The following PTPRD variants were observed in gnomAD, a reference collection of about 807,000 sequenced individuals.
PTPRD encodes the protein receptor-type tyrosine-protein phosphatase delta.
Under a neutral mutation model 214.5 loss-of-function variants are expected in PTPRD, and 34 were observed. The ratio of observed to expected loss-of-function variants is 0.16; its 90% CI spans 0.12 to 0.21. The LOEUF (loss-of-function observed/expected upper bound fraction) is 0.21, where lower values mean the gene tolerates loss of function less well. Among genes scored for constraint, PTPRD ranks in the 10% least tolerant of loss-of-function variants. PTPRD has a pLI of 1.00. For synonymous variants in PTPRD, 1,128 were observed against 845.7 expected (o/e 1.33, Z -5.79); for missense variants, 2,545 against 2,398.7 (o/e 1.06, Z -1.27).
intron 7 of PTPRD, among the ~76,000 whole-genome samples, chr9:9,599,450 G>T (rs651116): frequency 0.4 from 60,719 of 151,842 alleles, 12,569 homozygotes; most frequent in Non-Finnish European, 0.44. Context: ...CACCATAACA[G>T]TGTTGGGCTT....
intron 31 of PTPRD, among the ~76,000 whole-genome samples, chr9:8,467,154 G>C (rs2096560772): frequency 6.6e-6 from 1 of 151,778 alleles, no homozygotes; most frequent in Non-Finnish European, 1.5e-5. Context: ...GTGAATTTAA[G>C]TTTATTGATG....
intron 5 of PTPRD, among the ~76,000 whole-genome samples, chr9:9,903,231 A>T (rs1370238226): frequency 6.6e-6 from 1 of 152,074 alleles, no homozygotes; most frequent in South Asian, 2.1e-4. Context: ...GCTTCACTTT[A>T]TATTTTCTTC....
intron 23 of PTPRD, among the ~76,000 whole-genome samples, chr9:8,501,818 C>T (rs190550425): frequency 7.2e-5 from 11 of 152,288 alleles, no homozygotes; most frequent in African/African-American, 9.6e-5. Context: ...ACTTACCCTA[C>T]GTCAGCTTTC....
intron 9 of PTPRD, among the ~76,000 whole-genome samples, chr9:9,184,017 C>T (rs1243421507): frequency 1.3e-5 from 2 of 152,018 alleles, no homozygotes; most frequent in Admixed American, 1.3e-4. Context: ...CTTAATGATT[C>T]ATTTTTGTAT....
At chr9:8,660,535 T>C (rs1428333025) in intron 12 of PTPRD, among the ~76,000 whole-genome samples, 1 of 152,134 alleles carries the variant, frequency 6.6e-6, no homozygotes, top group African/African-American at 2.4e-5. Context: ...GATCTTTGGC[T>C]CCCATTTTCA....
At chr9:10,198,974 TCA>T (rs1004702436) in intron 3 of PTPRD, among the ~76,000 whole-genome samples, 1 of 152,094 alleles carries the variant, frequency 6.6e-6, no homozygotes, top group African/African-American at 2.4e-5. Flanking sequence ...TAAGTGATGT[TCA>T]CAGAGTTATG....
chr9:9,952,142 G>A (rs529374724), intron 4 of PTPRD, among the ~76,000 whole-genome samples: 1 of 152,140 alleles, frequency 6.6e-6, no homozygotes, highest in Non-Finnish European at 1.5e-5. Flanking sequence ...TATGTGCCTA[G>A]GAGAGTCTAG....
At chr9:9,593,299 T>A (rs1235122454) in intron 7 of PTPRD, among the ~76,000 whole-genome samples, 1 of 131,126 alleles carries the variant, frequency 7.6e-6, no homozygotes, top group Non-Finnish European at 1.6e-5. Flanking sequence ...GAAACTTAAC[T>A]TTTTTTTTTT....
At chr9:10,345,547 A>C (rs1281806029) in intron 2 of PTPRD, among the ~76,000 whole-genome samples, 1 of 151,956 alleles carries the variant, frequency 6.6e-6, no homozygotes, top group Non-Finnish European at 1.5e-5. Flanking sequence ...TAGTTTGCTG[A>C]GAATGATGGT....
chr9:9,852,667 T>C (rs1056894194), intron 5 of PTPRD, among the ~76,000 whole-genome samples: 1 of 152,142 alleles, frequency 6.6e-6, no homozygotes, highest in Non-Finnish European at 1.5e-5. Context: ...TTATTCCTTT[T>C]TTCTTTTAAA....
intron 6 of PTPRD, among the ~76,000 whole-genome samples, chr9:9,739,536 G>T (rs750745495): frequency 5.9e-5 from 9 of 151,574 alleles, no homozygotes; most frequent in Non-Finnish European, 1.2e-4. Context: ...TATCATCAGG[G>T]TTTATAGTGA....
chr9:8,324,924 C>G lies in PTPRD; in HGVS notation c.5535-4958G>C, dbSNP rs573921576. Among the ~76,000 whole-genome samples the G allele has an allele frequency of 6.8e-4, 103 of 152,242 alleles. 2 individuals carry two copies. The Middle Eastern group carries it at 0.02, about 30-fold the overall frequency. ...CTTTTGAGAAGTGTCTGTTCATATC[C>G]TTCGCCCACTTTTTGATGAGGTTGT... On this transcript the variant is annotated intron_variant, in intron 44 of 45. Coordinates refer to ENST00000381196, the MANE Select transcript of PTPRD (RefSeq NM_002839.4).
chr9:9,733,214 G>C (rs1421866981), intron 7 of PTPRD, among the ~76,000 whole-genome samples: 4 of 152,106 alleles, frequency 2.6e-5, no homozygotes, highest in African/African-American at 9.7e-5. Flanking sequence ...CAAATATAAG[G>C]AATAAGACAG....
chr9:9,916,699 A>G (rs1393090305), intron 5 of PTPRD, among the ~76,000 whole-genome samples: 1 of 152,040 alleles, frequency 6.6e-6, no homozygotes, highest in Non-Finnish European at 1.5e-5. Flanking sequence ...AAAAACAAAG[A>G]AACATCAGAT....
At chr9:9,273,490 T>C (rs1351487553) in intron 9 of PTPRD, among the ~76,000 whole-genome samples, 3 of 151,476 alleles carry the variant, frequency 2.0e-5, no homozygotes, top group East Asian at 2.0e-4. Flanking sequence ...CTTTCTTATA[T>C]AGTGTACATT....
intron 33 of PTPRD, among the ~76,000 whole-genome samples, chr9:8,456,317 C>T (rs767202562): frequency 6.0e-4 from 91 of 152,020 alleles, no homozygotes; most frequent in Non-Finnish European, 1.1e-3. Flanking sequence ...TAAAGCAGCC[C>T]GAACTGCTAG....
chr9:10,209,656 G>A (rs183622601), intron 3 of PTPRD, among the ~76,000 whole-genome samples: 9 of 151,206 alleles, frequency 6.0e-5, no homozygotes, highest in African/African-American at 2.2e-4. Context: ...ATTTTATTGT[G>A]CATTGGTACA....
chr9:8,523,412 A>T, intron 19 of PTPRD, 101 bp downstream of exon 19: 1 of 1,407,296 alleles, frequency 7.1e-7, no homozygotes, highest in Non-Finnish European at 9.9e-7. Flanking sequence ...CATTAACCAA[A>T]AGAAGAACAC....
intron 21 of PTPRD, among the ~76,000 whole-genome samples, chr9:8,516,555 T>A (rs914043274): frequency 7.2e-5 from 11 of 152,106 alleles, no homozygotes; most frequent in African/African-American, 2.7e-4. Flanking sequence ...TTCACAGGTA[T>A]CAGTGAAATA....
Sources: allele counts gnomAD v4.1 joint callset (sites outside exome capture counted in the v4.1 genomes callset), GRCh38; gene constraint gnomAD v4.1.1; transcripts MANE v1.5; gene names NCBI Gene and HGNC (gene_info 2026-07-23, HGNC 2026-07-21).